The following MTUS2 variants were observed in gnomAD, a reference collection of about 807,000 sequenced individuals.
MTUS2 encodes microtubule-associated tumor suppressor candidate 2.
A neutral mutation model predicts 114.1 loss-of-function variants in MTUS2; 40 were observed. That is an observed-to-expected ratio of 0.35 (90% CI 0.27 to 0.46). The LOEUF is 0.46. MTUS2 is among the 20% of genes least tolerant of loss of function. The pLI is 1.00. For synonymous variants in MTUS2, 688 were observed against 672.0 expected, an observed-to-expected ratio of 1.02 and a Z score of -0.37; for missense variants, 1,679 against 1,705.4, an observed-to-expected ratio of 0.98 and a Z score of 0.27.
intron 9 of MTUS2, among the ~76,000 whole-genome samples, chr13:29,447,884 A>C (rs376153583): frequency 6.6e-6 from 1 of 152,284 alleles, no homozygotes; most frequent in East Asian, 1.9e-4. Context: ...AGAAAATAAA[A>C]TATGACCCTT....
At chr13:29,492,900 A>T (rs1390163007) in intron 12 of MTUS2, among the ~76,000 whole-genome samples, 181 bp downstream of exon 12, 1 of 152,226 alleles carries the variant, frequency 6.6e-6, no homozygotes, top group East Asian at 1.9e-4. Context: ...GAAAGCTGTG[A>T]TGCAAATAGT....
At chr13:29,141,386 C>T (rs141068237) in intron 5 of MTUS2, among the ~76,000 whole-genome samples, 1 of 152,096 alleles carries the variant, frequency 6.6e-6, no homozygotes, top group Non-Finnish European at 1.5e-5. Flanking sequence ...TGGAAATATC[C>T]AGGCAGATAG....
At chr13:29,331,680 G>A (rs1445412337) in intron 7 of MTUS2, among the ~76,000 whole-genome samples, 7 of 152,146 alleles carry the variant, frequency 4.6e-5, no homozygotes, top group African/African-American at 1.4e-4. Flanking sequence ...ATTCAGTGTG[G>A]TATTGGTTGT....
At chr13:28,950,899 C>T (rs796228689) in intron 2 of MTUS2, among the ~76,000 whole-genome samples, 20 of 152,266 alleles carry the variant, frequency 1.3e-4, no homozygotes, top group African/African-American at 4.8e-4. Flanking sequence ...TGCAGGGTTG[C>T]CACAAAGCTT....
chr13:28,958,257 G>A (rs1167930363), intron 2 of MTUS2, among the ~76,000 whole-genome samples: 1 of 152,220 alleles, frequency 6.6e-6, no homozygotes, highest in Non-Finnish European at 1.5e-5. Flanking sequence ...GCCACCAGGC[G>A]GAGGGCGTTT....
intron 9 of MTUS2, among the ~76,000 whole-genome samples, chr13:29,463,497 A>G: frequency 6.6e-6 from 1 of 152,162 alleles, no homozygotes; most frequent in Non-Finnish European, 1.5e-5. Context: ...GTGCCTGTTG[A>G]CTTCAGTTTT....
At chr13:29,344,923 T>A (rs79161369) in intron 7 of MTUS2, among the ~76,000 whole-genome samples, 5,324 of 152,212 alleles carry the variant, frequency 0.035, 294 homozygotes, top group African/African-American at 0.12. Flanking sequence ...TGAAGCATAG[T>A]TTCATTGGAT....
chr13:28,923,840 G>A (rs894102063), intron 2 of MTUS2, among the ~76,000 whole-genome samples: 7 of 152,106 alleles, frequency 4.6e-5, no homozygotes, highest in Admixed American at 1.3e-4. Flanking sequence ...TCCTCTTGCC[G>A]GTGCTGCAGG....
intron 5 of MTUS2, among the ~76,000 whole-genome samples, chr13:29,201,351 T>C (rs1038513538): frequency 6.6e-6 from 1 of 152,074 alleles, no homozygotes; most frequent in Non-Finnish European, 1.5e-5. Context: ...TTTTTTTCTT[T>C]CCATTTGCTT....
chr13:29,031,326 C>T (rs1221693965), intron 3 of MTUS2, among the ~76,000 whole-genome samples: 1 of 146,284 alleles, frequency 6.8e-6, no homozygotes, highest in African/African-American at 2.5e-5. Context: ...TATATATTAT[C>T]TATATATGTT....
At chr13:29,252,482 T>G (rs1172162502) in intron 5 of MTUS2, among the ~76,000 whole-genome samples, 5 of 152,114 alleles carry the variant, frequency 3.3e-5, no homozygotes, top group Non-Finnish European at 7.4e-5. Flanking sequence ...GATTGCATGT[T>G]TAGAAAATGT....
At chr13:29,107,828 G>A (rs1247398944) in intron 5 of MTUS2, among the ~76,000 whole-genome samples, 1 of 152,012 alleles carries the variant, frequency 6.6e-6, no homozygotes, top group East Asian at 1.9e-4. Flanking sequence ...CAGCCTTTTG[G>A]CTAAGATCAA....
intron 9 of MTUS2, among the ~76,000 whole-genome samples, chr13:29,441,183 C>T (rs372164262): frequency 2.1e-4 from 32 of 152,138 alleles, no homozygotes; most frequent in African/African-American, 6.3e-4. Context: ...CACCTACACC[C>T]GGACACCCCT....
At chr13:29,405,133 A>G (rs768582063) in intron 8 of MTUS2, among the ~76,000 whole-genome samples, 4 of 152,246 alleles carry the variant, frequency 2.6e-5, no homozygotes, top group Non-Finnish European at 5.9e-5. Flanking sequence ...AAAATAATCC[A>G]GCAATTCAAT....
chr13:29,107,685 T>G (rs1890724523), intron 5 of MTUS2, among the ~76,000 whole-genome samples: 1 of 152,156 alleles, frequency 6.6e-6, no homozygotes, highest in Non-Finnish European at 1.5e-5. Context: ...ATATATCTCC[T>G]TGGATATACT....
intron 2 of MTUS2, among the ~76,000 whole-genome samples, chr13:28,884,814 A>T (rs1342676972): frequency 6.6e-6 from 1 of 152,126 alleles, no homozygotes; most frequent in Non-Finnish European, 1.5e-5. Flanking sequence ...AGTCATTTCA[A>T]AATAACACAA....
At chr13:29,216,382 A>G (rs957485756) in intron 5 of MTUS2, among the ~76,000 whole-genome samples, 2 of 152,096 alleles carry the variant, frequency 1.3e-5, no homozygotes, top group African/African-American at 2.4e-5. Flanking sequence ...GGGGGAGTGA[A>G]TGGTTCTGTC....
chr13:29,111,933 T>C (rs1890900718), intron 5 of MTUS2, among the ~76,000 whole-genome samples: 1 of 152,174 alleles, frequency 6.6e-6, no homozygotes, highest in Admixed American at 6.5e-5. Flanking sequence ...CCACACTGTG[T>C]ACAGGAAGAG....
At chr13:29,335,994 G>A (rs1901043350) in intron 7 of MTUS2, among the ~76,000 whole-genome samples, 1 of 152,032 alleles carries the variant, frequency 6.6e-6, no homozygotes, top group Non-Finnish European at 1.5e-5. Context: ...TGAAACTTGT[G>A]TGTTTCATGA....
Sources: allele counts gnomAD v4.1 joint callset (sites outside exome capture counted in the v4.1 genomes callset), GRCh38; gene constraint gnomAD v4.1.1; transcripts MANE v1.5; gene names NCBI Gene and HGNC (gene_info 2026-07-23, HGNC 2026-07-21).